Variants in FANCC observed in about 807,000 individuals in gnomAD.
The protein encoded by FANCC is Fanconi anemia group C protein.
In FANCC, 55 loss-of-function variants were observed where a neutral mutation model predicts 71.3. That is an observed-to-expected ratio of 0.77 (90% CI 0.62 to 0.97). The LOEUF is 0.97. FANCC is among the 50% of genes least tolerant of loss of function. The pLI, the probability that FANCC is intolerant of heterozygous loss-of-function variation, is 0.00. For missense variants in FANCC, 678 were observed against 670.9 expected (o/e 1.01, Z -0.12); for synonymous variants, 275 against 244.9 (o/e 1.12, Z -1.15).
rs528385252 is a variant in FANCC at position 95,290,769 on chromosome 9, C to G, written c.-79+26757G>C. The stretch of plus-strand genomic sequence containing the variant: ...CTGCTAAGAATAGGAGGCAAAGACA[C>G]AAAAAGAAAATCATAAGCCAATATC... On this transcript the variant is annotated intron_variant, in intron 1 of 14. Transcript: ENST00000289081. Among the ~76,000 whole-genome samples the G allele has an allele frequency of 2.0e-5, 3 of 152,182 alleles. No homozygotes were observed. In the South Asian group the frequency reaches 6.2e-4, roughly 32 times the overall value.
intron 4 of FANCC, among the ~76,000 whole-genome samples, chr9:95,223,757 A>G (rs1290614383): frequency 6.6e-6 from 1 of 152,146 alleles, no homozygotes; most frequent in East Asian, 1.9e-4. Flanking sequence ...CGGGTGGATC[A>G]CCTGAGGTCG....
chr9:95,145,040 G>A lies in FANCC; in HGVS notation c.686+4883C>T, dbSNP rs530178187. Among the ~76,000 whole-genome samples, 6 of 152,258 alleles carry A rather than the reference G, an allele frequency of 3.9e-5. No individual in the cohort carries two copies. In the South Asian group the frequency reaches 1.2e-3, roughly 32 times the overall value. ...GCATTTTGACCATTTTTCGAATCAA[G>A]TGACTTAATCTTCTAATTCTCTTTT... On this transcript the variant is annotated intron_variant, in intron 7 of 14. Coordinates refer to ENST00000289081, the MANE Select transcript of FANCC (RefSeq NM_000136.3).
intron 1 of FANCC, among the ~76,000 whole-genome samples, chr9:95,288,637 A>G (rs1833828849): frequency 6.6e-6 from 1 of 152,122 alleles, no homozygotes; most frequent in African/African-American, 2.4e-5. Flanking sequence ...CTTGGTTACC[A>G]AGCTCTTGCC....
intron 4 of FANCC, among the ~76,000 whole-genome samples, chr9:95,226,932 C>T (rs1204936518): frequency 2.0e-5 from 3 of 152,186 alleles, no homozygotes; most frequent in Non-Finnish European, 4.4e-5. Flanking sequence ...CGTCCCAGCA[C>T]AGGAAAGCTC....
chr9:95,107,251 G>A lies in FANCC; in HGVS notation c.1348C>T (p.Leu450=), dbSNP rs1193661760. 2 of 1,613,990 alleles carry A rather than the reference G, an allele frequency of 1.2e-6. No individual in the cohort carries two copies. The highest frequency in any genetic ancestry group is 1.7e-6 in the Non-Finnish European group (2 of 1,180,000). The change falls in exon 14 of 15, where the codon CTG becomes TTG. Residue 450 remains leucine, a synonymous_variant. Transcript: ENST00000289081. ...AQTMVQVKAV[L]GHLLAMSRSS... ...CTGGACATTGCCAGGAGGTGGCCCA[G>A]CACGGCCTTCACCTGGACCTGGGCA...
At position 95,191,415 on chromosome 9, in the gene FANCC, C is replaced by A. The variant is rs373247289; in HGVS notation, c.346-19268G>T. ...TGGTGTGATCTTGGTTCACTGCAGCCAAGACTTCCTCAGCTCAAGCAATCC... is the reference window on the plus strand; with the variant it reads ...TGGTGTGATCTTGGTTCACTGCAGCAAAGACTTCCTCAGCTCAAGCAATCC... On this transcript the variant is annotated intron_variant, in intron 4 of 14. Coordinates refer to ENST00000289081, the MANE Select transcript of FANCC (RefSeq NM_000136.3). 2.8e-5 allele frequency among the ~76,000 whole-genome samples: 4 copies of A among 144,246 alleles called. No homozygotes were observed. The East Asian group carries it at 6.3e-4, about 23-fold the overall frequency. The allele number at this position is 144,246 out of a possible 152,430, so 94.6% of individuals were successfully genotyped here.
In FANCC at chr9:95,107,105, A is replaced by G. The variant is rs76895298; in HGVS notation, c.1494T>C (p.Ala498=). ...RHLLLNFLLW[A]PGGHTIAWDV... is the part of the protein sequence containing the mutation. ...CCCAGGCGATCGTGTGGCCTCCAGG[A>G]GCCCAGAGCAGGAAGTTGAGGAGAA... The change falls in exon 14 of 15, where the codon GCT becomes GCC. Residue 498 remains alanine, a synonymous_variant. Transcript: ENST00000289081. 395 of 1,614,214 alleles carry G rather than the reference A, an allele frequency of 2.4e-4. 5 individuals carry two copies. In the East Asian group the frequency reaches 7.5e-3, roughly 30 times the overall value.
At chr9:95,299,764 G>C (rs1834607870) in intron 1 of FANCC, among the ~76,000 whole-genome samples, 1 of 152,202 alleles carries the variant, frequency 6.6e-6, no homozygotes, top group South Asian at 2.1e-4. Flanking sequence ...GGGAGGCTGA[G>C]GTGGGAGAAT....
chr9:95,119,740 T>G lies in FANCC; in HGVS notation c.997-2350A>C, dbSNP rs117288655. Among the ~76,000 whole-genome samples, 423 of 151,220 alleles carry G rather than the reference T, an allele frequency of 2.8e-3. 13 individuals are homozygous for G. In the East Asian group the frequency reaches 0.05, roughly 18 times the overall value. ...CCTTTCTTATTTTTTGAGATATGGTTTCACTCTGTTGCCCAAGCTGGAGTG... is the reference window on the plus strand; with the variant it reads ...CCTTTCTTATTTTTTGAGATATGGTGTCACTCTGTTGCCCAAGCTGGAGTG... On this transcript the variant is annotated intron_variant, in intron 10 of 14. Transcript: ENST00000289081.
rs144071778 is a variant in FANCC, at chr9:95,122,110, G to A, written c.996+2976C>T. Among the ~76,000 whole-genome samples, 133 of 151,998 alleles carry A rather than the reference G, an allele frequency of 8.8e-4. 1 individual carries two copies. The highest frequency in any genetic ancestry group is 6.8e-3 in the East Asian group (35 of 5,166). On this transcript the variant is annotated intron_variant, in intron 10 of 14. Coordinates refer to ENST00000289081, the MANE Select transcript of FANCC (RefSeq NM_000136.3). ...CCTGACCTTGTGATCTGCCTGCCTC[G>A]ACCTCCCAAAGTGCTGGGATTACAG...
intron 1 of FANCC, among the ~76,000 whole-genome samples, chr9:95,296,252 G>A (rs1471407781): frequency 6.6e-6 from 1 of 152,092 alleles, no homozygotes; most frequent in Non-Finnish European, 1.5e-5. Context: ...AATTTAAAAT[G>A]ACTAAGGATC....
At chr9:95,244,941 C>T (rs1035062146) in intron 3 of FANCC, among the ~76,000 whole-genome samples, 1 of 151,990 alleles carries the variant, frequency 6.6e-6, no homozygotes, top group Admixed American at 6.5e-5. Context: ...ATCTACCCTG[C>T]AACACTGTCA....
intron 10 of FANCC, among the ~76,000 whole-genome samples, chr9:95,124,622 CA>C (rs889068080): frequency 3.3e-5 from 5 of 152,196 alleles, no homozygotes; most frequent in Non-Finnish European, 7.4e-5. Context: ...AGCCAATTCA[CA>C]TTTGGGTCTC....
At chr9:95,294,877 G>C in intron 1 of FANCC, 1 of 1,379,640 alleles carries the variant, frequency 7.2e-7, no homozygotes, top group Non-Finnish European at 9.8e-7. Flanking sequence ...CTACGGACGG[G>C]GGACAACAGT....
chr9:95,244,368 G>T (rs891877599), intron 3 of FANCC, among the ~76,000 whole-genome samples: 1 of 152,122 alleles, frequency 6.6e-6, no homozygotes, highest in South Asian at 2.1e-4. Context: ...GTTTTCCTAA[G>T]GGCTGGCACA....
intron 4 of FANCC, among the ~76,000 whole-genome samples, chr9:95,198,850 G>A (rs886147569): frequency 2.0e-5 from 3 of 151,982 alleles, no homozygotes; most frequent in Admixed American, 6.5e-5. Flanking sequence ...TGATCCTCCC[G>A]CCTCAGCCTC....
chr9:95,197,705 G>A (rs1827545944), intron 4 of FANCC, among the ~76,000 whole-genome samples: 1 of 152,154 alleles, frequency 6.6e-6, no homozygotes, highest in African/African-American at 2.4e-5. Context: ...AAATTGCAGA[G>A]CTGACTCCTG....
rs566722657 is a variant in FANCC at position 95,201,211 on chromosome 9, T to A, written c.346-29064A>T. 2.8e-3 allele frequency among the ~76,000 whole-genome samples: 408 copies of A among 145,264 alleles called. 2 individuals carry two copies. Among genetic ancestry groups the A allele is most frequent in the Middle Eastern group, 0.014 (4 of 284 alleles). The stretch of plus-strand genomic sequence containing the variant: ...TACACGTTAATGCCAATAAAAAAAA[T>A]TTTTTTTTTTGCACAAATCAAGAGG... On this transcript the variant is annotated intron_variant, in intron 4 of 14. Coordinates refer to ENST00000289081, the MANE Select transcript of FANCC (RefSeq NM_000136.3).
intron 1 of FANCC, among the ~76,000 whole-genome samples, chr9:95,263,614 A>C (rs73539203): frequency 0.022 from 3,304 of 152,028 alleles, 118 homozygotes; most frequent in African/African-American, 0.076. Flanking sequence ...ATATACAAAC[A>C]CACATTCCAT....
Sources: allele counts gnomAD v4.1 joint callset (sites outside exome capture counted in the v4.1 genomes callset), GRCh38; gene constraint gnomAD v4.1.1; transcripts MANE v1.5; gene names NCBI Gene and HGNC (gene_info 2026-07-23, HGNC 2026-07-21).